Variants in SKAP1 observed in about 807,000 individuals in gnomAD.
The protein encoded by SKAP1 is src kinase associated phosphoprotein 1, also known as src kinase-associated phosphoprotein 1.
A neutral mutation model predicts 58.5 loss-of-function variants in SKAP1; 44 were observed. The observed-to-expected ratio is 0.75, with a 90% CI of 0.59 to 0.97. The LOEUF (loss-of-function observed/expected upper bound fraction) is 0.97, where lower values mean the gene tolerates loss of function less well. Among genes scored for constraint, SKAP1 ranks in the 50% least tolerant of loss-of-function variants. The pLI, the probability that SKAP1 is intolerant of heterozygous loss-of-function variation, is 0.00. For missense variants in SKAP1, 390 were observed against 435.2 expected (o/e 0.90, Z 0.92); for synonymous variants, 127 against 149.7 (o/e 0.85, Z 1.11).
intron 4 of SKAP1, among the ~76,000 whole-genome samples, chr17:48,256,796 TA>T (rs1418523656): frequency 6.6e-6 from 1 of 152,138 alleles, no homozygotes; most frequent in Middle Eastern, 3.4e-3. Flanking sequence ...AAGCTATAAA[TA>T]AAAAATATTT....
chr17:48,334,791 A>C (rs1233911132), intron 4 of SKAP1, among the ~76,000 whole-genome samples: 3 of 151,898 alleles, frequency 2.0e-5, no homozygotes, highest in Admixed American at 6.6e-5. Context: ...AGGTTGGTTA[A>C]ATTTTGTCTT....
At chr17:48,198,695 A>G (rs74410807) in intron 4 of SKAP1, among the ~76,000 whole-genome samples, 4,112 of 152,250 alleles carry the variant, frequency 0.027, 175 homozygotes, top group African/African-American at 0.092. Context: ...CTTCAAAACC[A>G]TGAGTGTTCT....
At chr17:48,207,512 T>G (rs1375738728) in intron 4 of SKAP1, among the ~76,000 whole-genome samples, 1 of 150,842 alleles carries the variant, frequency 6.6e-6, no homozygotes, top group Non-Finnish European at 1.5e-5. Context: ...AGAAAAAAAA[T>G]TTACATAAAG....
intron 5 of SKAP1, among the ~76,000 whole-genome samples, chr17:48,189,025 AAG>A (rs2064499328): frequency 2.0e-5 from 3 of 152,086 alleles, no homozygotes; most frequent in African/African-American, 7.2e-5. Context: ...CAAAAAACAA[AAG>A]AGTTGGGTTT....
intron 1 of SKAP1, among the ~76,000 whole-genome samples, chr17:48,419,620 T>A (rs760445355): frequency 2.0e-5 from 3 of 151,990 alleles, no homozygotes; most frequent in Non-Finnish European, 4.4e-5. Flanking sequence ...TTTAAGAAGG[T>A]TTACTAAAAT....
intron 1 of SKAP1, among the ~76,000 whole-genome samples, chr17:48,426,612 A>G (rs1467181160): frequency 1.3e-5 from 2 of 152,234 alleles, no homozygotes; most frequent in Non-Finnish European, 2.9e-5. Context: ...AAACAAAAAG[A>G]TAACTTCTAC....
chr17:48,311,701 G>A (rs1312941103), intron 4 of SKAP1, among the ~76,000 whole-genome samples: 2 of 152,100 alleles, frequency 1.3e-5, no homozygotes, highest in Admixed American at 1.3e-4. Flanking sequence ...TCAGTTAAGC[G>A]AGGCACCTGC....
At chr17:48,374,850 T>C (rs2067132655) in intron 2 of SKAP1, among the ~76,000 whole-genome samples, 1 of 152,112 alleles carries the variant, frequency 6.6e-6, no homozygotes, top group Non-Finnish European at 1.5e-5. Context: ...CTGGTGGAAG[T>C]CCCCAGTGGA....
At chr17:48,387,465 C>G (rs1336958021) in intron 2 of SKAP1, among the ~76,000 whole-genome samples, 2 of 152,166 alleles carry the variant, frequency 1.3e-5, no homozygotes, top group Admixed American at 6.5e-5. Flanking sequence ...ATCTCCAGTC[C>G]TCTTAGAACT....
chr17:48,244,591 G>A (rs1201478287), intron 4 of SKAP1, among the ~76,000 whole-genome samples: 1 of 148,682 alleles, frequency 6.7e-6, no homozygotes. Context: ...CCTGTTAAAG[G>A]TTCCTTTCAG....
chr17:48,435,677 C>A, the SKAP1 span, among the ~76,000 whole-genome samples: 2 of 152,132 alleles, frequency 1.3e-5, no homozygotes, highest in Non-Finnish European at 2.9e-5. Context: ...AATTTAAGTT[C>A]CCAAACCCCT....
intron 1 of SKAP1, among the ~76,000 whole-genome samples, chr17:48,413,523 A>AAAAAAAAAAAAAAAAAAAAAAAAAT: frequency 3.8e-5 from 4 of 105,454 alleles, no homozygotes; most frequent in African/African-American, 1.3e-4. Flanking sequence ...TCAAAAAAAA[A>AAAAAAAAAAAAAAAAAAAAAAAAAT]ATATATATAT....
chr17:48,396,894 A>G (rs962786590), intron 1 of SKAP1, 109 bp from the exon 2 acceptor site: 30 of 690,564 alleles, frequency 4.3e-5, no homozygotes, highest in Non-Finnish European at 7.0e-5. Context: ...AACCTGCACA[A>G]TGTGCACATG....
At chr17:48,262,133 C>T (rs184567679) in intron 4 of SKAP1, among the ~76,000 whole-genome samples, 3 of 152,318 alleles carry the variant, frequency 2.0e-5, no homozygotes, top group Non-Finnish European at 4.4e-5. Flanking sequence ...GAGGGCCTAC[C>T]TGAGGCGGCA....
intron 1 of SKAP1, among the ~76,000 whole-genome samples, chr17:48,402,340 T>C (rs937016510): frequency 1.3e-5 from 2 of 152,012 alleles, no homozygotes; most frequent in Non-Finnish European, 2.9e-5. Context: ...AGCATTTTTT[T>C]TTTTTTTGAG....
chr17:48,320,759 ATT>A (rs35058651), intron 4 of SKAP1, among the ~76,000 whole-genome samples: 1 of 149,366 alleles, frequency 6.7e-6, no homozygotes, highest in Non-Finnish European at 1.5e-5. Flanking sequence ...ACCTCCACCA[ATT>A]TTTTTTTTTA....
At chr17:48,325,280 A>G (rs1283571219) in intron 4 of SKAP1, among the ~76,000 whole-genome samples, 6 of 148,482 alleles carry the variant, frequency 4.0e-5, no homozygotes, top group Non-Finnish European at 7.4e-5. Flanking sequence ...AAAAAAAGAC[A>G]TAATTAAATA....
intron 4 of SKAP1, among the ~76,000 whole-genome samples, chr17:48,259,662 TAGA>T (rs397857098): frequency 4.6e-4 from 70 of 152,288 alleles, no homozygotes; most frequent in Admixed American, 1.2e-3. Flanking sequence ...ACAATTATCA[TAGA>T]AGAAGACATA....
At chr17:48,397,253 TCTCA>T (rs2067433438) in intron 1 of SKAP1, among the ~76,000 whole-genome samples, 1 of 151,936 alleles carries the variant, frequency 6.6e-6, no homozygotes, top group Non-Finnish European at 1.5e-5. Flanking sequence ...GGGGATGGAG[TCTCA>T]CTCTGTTGCC....
Sources: gnomAD v4.1 joint callset for allele counts (sites outside exome capture counted in the v4.1 genomes callset) on GRCh38, gnomAD v4.1.1 for gene constraint, MANE v1.5 for transcripts, NCBI Gene and HGNC (gene_info 2026-07-23, HGNC 2026-07-21) for gene names.